Variants in MYO3B observed in about 807,000 individuals in gnomAD.
The protein encoded by MYO3B is myosin-IIIb.
MYO3B carries 156 observed loss-of-function variants against 174.6 expected under a neutral mutation model. The observed-to-expected ratio is 0.89, with a 90% CI of 0.78 to 1.02. The LOEUF is 1.02. Ranked by LOEUF, MYO3B falls within the 50% of genes least tolerant of loss-of-function variation. The pLI is 0.00. For missense variants in MYO3B, 1,632 were observed against 1,639.4 expected (o/e 1.00, Z 0.08); for synonymous variants, 563 against 569.1 (o/e 0.99, Z 0.15).
intron 20 of MYO3B, among the ~76,000 whole-genome samples, chr2:170,404,937 T>C (rs1206470409): frequency 2.0e-5 from 3 of 152,244 alleles, no homozygotes; most frequent in African/African-American, 4.8e-5. Context: ...CTCTATTCTG[T>C]ACCCTATTCT....
chr2:170,316,914 A>G (rs941224928), intron 7 of MYO3B, among the ~76,000 whole-genome samples: 1 of 152,098 alleles, frequency 6.6e-6, no homozygotes, highest in Admixed American at 6.5e-5. Flanking sequence ...AAAATTTGGG[A>G]CCTATAGAAG....
At chr2:170,264,502 ACTT>A (rs2093368462) in intron 7 of MYO3B, among the ~76,000 whole-genome samples, 1 of 152,214 alleles carries the variant, frequency 6.6e-6, no homozygotes, top group Admixed American at 6.5e-5. Context: ...AGAGGACTAC[ACTT>A]CTTCAAAGGA....
chr2:170,201,583 C>T (rs1332456252), intron 3 of MYO3B, among the ~76,000 whole-genome samples: 1 of 151,526 alleles, frequency 6.6e-6, no homozygotes, highest in African/African-American at 2.4e-5. Context: ...GAATTTATTT[C>T]TGTCACATCA....
intron 32 of MYO3B, among the ~76,000 whole-genome samples, chr2:170,564,041 C>G (rs1691906246): frequency 6.6e-6 from 1 of 152,176 alleles, no homozygotes; most frequent in Non-Finnish European, 1.5e-5. Flanking sequence ...CACATGTGCC[C>G]AGGGCATTGT....
At chr2:170,528,563 G>A (rs1426968191) in intron 30 of MYO3B, among the ~76,000 whole-genome samples, 1 of 152,054 alleles carries the variant, frequency 6.6e-6, no homozygotes, top group African/African-American at 2.4e-5. Flanking sequence ...GCACCACCAT[G>A]ACCAGCTAAT....
At chr2:170,466,411 C>A in intron 24 of MYO3B, 95 bp from the exon 25 acceptor site, 1 of 1,134,558 alleles carries the variant, frequency 8.8e-7, no homozygotes, top group Non-Finnish European at 1.3e-6. Context: ...GGTCTGTGAG[C>A]CTCGAACTGC....
At chr2:170,501,946 TTAA>T (rs1309945524) in intron 28 of MYO3B, 81 bp downstream of exon 28, 4 of 1,007,774 alleles carry the variant, frequency 4.0e-6, no homozygotes, top group Non-Finnish European at 4.6e-6. Context: ...AGCTGAAAGG[TTAA>T]TAATTCAGGA....
intron 9 of MYO3B, among the ~76,000 whole-genome samples, chr2:170,371,172 C>T (rs1166100379): frequency 3.6e-5 from 5 of 140,144 alleles, no homozygotes; most frequent in Admixed American, 3.0e-4. Flanking sequence ...GAGCTGAGAT[C>T]GCGCCACTGC....
intron 23 of MYO3B, among the ~76,000 whole-genome samples, chr2:170,461,962 C>T (rs1684319105): frequency 6.6e-6 from 1 of 152,196 alleles, no homozygotes; most frequent in African/African-American, 2.4e-5. Context: ...ATTAATTTGC[C>T]CCAAACCTCA....
intron 32 of MYO3B, among the ~76,000 whole-genome samples, chr2:170,553,800 G>C (rs1444481522): frequency 6.6e-6 from 1 of 152,172 alleles, no homozygotes; most frequent in Non-Finnish European, 1.5e-5. Flanking sequence ...TTGGGAGAGA[G>C]ACCTGGTGGG....
chr2:170,540,459 A>G (rs1479638074), intron 30 of MYO3B, among the ~76,000 whole-genome samples: 1 of 152,166 alleles, frequency 6.6e-6, no homozygotes, highest in East Asian at 1.9e-4. Flanking sequence ...AAATTCAATT[A>G]AATAGAGACA....
intron 32 of MYO3B, among the ~76,000 whole-genome samples, chr2:170,613,744 A>G (rs1695268074): frequency 1.3e-5 from 2 of 152,170 alleles, no homozygotes; most frequent in African/African-American, 4.8e-5. Flanking sequence ...GCTAGAATAT[A>G]AAGCAGGCAG....
At chr2:170,400,948 A>G (rs1051984425) in intron 17 of MYO3B, among the ~76,000 whole-genome samples, 11 of 152,154 alleles carry the variant, frequency 7.2e-5, no homozygotes, top group Admixed American at 2.6e-4. Context: ...TAAAAAAATC[A>G]TCTACAAACT....
intron 25 of MYO3B, among the ~76,000 whole-genome samples, chr2:170,485,105 G>A (rs377680258): frequency 5.9e-5 from 9 of 151,958 alleles, no homozygotes; most frequent in Admixed American, 2.0e-4. Context: ...ATATGACTGG[G>A]GGCGTTTCTA....
At chr2:170,636,373 T>C (rs1009391106) in intron 32 of MYO3B, among the ~76,000 whole-genome samples, 2 of 151,744 alleles carry the variant, frequency 1.3e-5, no homozygotes, top group African/African-American at 4.8e-5. Flanking sequence ...TGTTATGTTA[T>C]TGAAAAGAAA....
intron 32 of MYO3B, chr2:170,646,927 G>A (rs368992694): frequency 7.4e-7 from 1 of 1,359,412 alleles, no homozygotes; most frequent in Non-Finnish European, 9.8e-7. Flanking sequence ...CATTACGGAT[G>A]TAACTTTTAT....
intron 30 of MYO3B, among the ~76,000 whole-genome samples, chr2:170,533,071 C>T (rs1434724073): frequency 6.6e-6 from 1 of 152,112 alleles, no homozygotes; most frequent in African/African-American, 2.4e-5. Flanking sequence ...CAGGGCAGTT[C>T]ATCAGCCACT....
intron 7 of MYO3B, among the ~76,000 whole-genome samples, chr2:170,240,092 G>A (rs1346098493): frequency 6.6e-6 from 1 of 152,030 alleles, no homozygotes; most frequent in Non-Finnish European, 1.5e-5. Context: ...ATAGACTTAG[G>A]GCTTATCCTA....
chr2:170,235,924 A>G, intron 6 of MYO3B, 67 bp from the exon 7 acceptor site: 1 of 1,599,804 alleles, frequency 6.3e-7, no homozygotes, highest in South Asian at 1.1e-5. Flanking sequence ...AGATCAGCCC[A>G]GGGCCTTTTT....
Sources: allele counts gnomAD v4.1 joint callset (sites outside exome capture counted in the v4.1 genomes callset), GRCh38; gene constraint gnomAD v4.1.1; transcripts MANE v1.5; gene names NCBI Gene and HGNC (gene_info 2026-07-23, HGNC 2026-07-21).